FOXP2: variants seen among roughly 807,000 people sequenced by gnomAD.
FOXP2 encodes the protein forkhead box protein P2.
In FOXP2, 12 loss-of-function variants were observed where a neutral mutation model predicts 115.8. That is an observed-to-expected ratio of 0.10 (90% confidence interval 0.07 to 0.17). FOXP2 has a LOEUF of 0.17. Among genes scored for constraint, FOXP2 ranks in the 10% least tolerant of loss-of-function variants. The probability of loss-of-function intolerance (pLI) is 1.00; values close to 1 mark genes in which losing one functional copy is unlikely to be tolerated. For missense variants in FOXP2, 629 were observed against 843.5 expected (o/e 0.75, Z 3.15); for synonymous variants, 328 against 297.7 (o/e 1.10, Z -1.05).
At chr7:114,322,013 A>G (rs1797434938) in intron 2 of FOXP2, among the ~76,000 whole-genome samples, 1 of 125,930 alleles carries the variant, frequency 7.9e-6, no homozygotes, top group African/African-American at 2.9e-5. Context: ...TGAGAATTTC[A>G]GAGGATTCCT....
chr7:114,512,818 TCA>T (rs1798139563), intron 2 of FOXP2, among the ~76,000 whole-genome samples: 4 of 152,166 alleles, frequency 2.6e-5, no homozygotes. Context: ...GTGTGGTGAC[TCA>T]CACCTGTAAT....
At chr7:114,244,847 C>T (rs1375792811) in intron 1 of FOXP2, among the ~76,000 whole-genome samples, 4 of 151,836 alleles carry the variant, frequency 2.6e-5, no homozygotes, top group South Asian at 4.1e-4. Flanking sequence ...CTGCAAGCTC[C>T]GCCTCCCGGG....
At position 114,325,131 on chromosome 7, in the gene FOXP2, A is replaced by T. The variant is rs1011628693; in HGVS notation, c.-11+37022A>T. ...AATTTAATTCTTTAAAAAATGTATTATTGGTGCAAATAGTAGTCTATAAAG... is the reference window on the plus strand; with the variant it reads ...AATTTAATTCTTTAAAAAATGTATTTTTGGTGCAAATAGTAGTCTATAAAG... On this transcript the variant is annotated intron_variant, in intron 2 of 17. Coordinates refer to the FOXP2 transcript ENST00000634411. Among the ~76,000 whole-genome samples the T allele has an allele frequency of 2.0e-5, 3 of 151,870 alleles. 1 individual carries two copies. In the South Asian group the frequency reaches 6.2e-4, roughly 31 times the overall value.
chr7:114,566,904 T>C (rs1485954295), intron 3 of FOXP2, among the ~76,000 whole-genome samples: 2 of 151,946 alleles, frequency 1.3e-5, no homozygotes. Flanking sequence ...TATATTTTTG[T>C]ATGAAAATTA....
chr7:114,286,159 G>A (rs1796461756), intron 1 of FOXP2, among the ~76,000 whole-genome samples: 1 of 151,784 alleles, frequency 6.6e-6, no homozygotes, highest in South Asian at 2.1e-4. Flanking sequence ...GCCAACACCA[G>A]TATTTTCTTT....
intron 2 of FOXP2, among the ~76,000 whole-genome samples, chr7:114,336,779 T>C (rs1797863513): frequency 6.6e-6 from 1 of 151,558 alleles, no homozygotes; most frequent in African/African-American, 2.4e-5. Flanking sequence ...TCTGTTCATT[T>C]GTCTTAGAAG....
At chr7:114,306,993 C>T (rs1267378396) in intron 2 of FOXP2, among the ~76,000 whole-genome samples, 3 of 152,142 alleles carry the variant, frequency 2.0e-5, no homozygotes, top group Non-Finnish European at 4.4e-5. Context: ...TTAGGATCAG[C>T]TGATTAATAA....
At chr7:114,328,130 G>T (rs1797603906) in intron 2 of FOXP2, among the ~76,000 whole-genome samples, 2 of 151,086 alleles carry the variant, frequency 1.3e-5, no homozygotes, top group African/African-American at 4.9e-5. Flanking sequence ...ATGTTTCCCA[G>T]GCTAGACTCA....
intron 3 of FOXP2, among the ~76,000 whole-genome samples, chr7:114,558,962 T>C (rs1219363969): frequency 6.6e-6 from 1 of 152,174 alleles, no homozygotes; most frequent in Non-Finnish European, 1.5e-5. Flanking sequence ...GTTTTGTCTA[T>C]TAAATAATTA....
At chr7:114,552,437 G>T (rs1800255491) in intron 3 of FOXP2, among the ~76,000 whole-genome samples, 1 of 152,050 alleles carries the variant, frequency 6.6e-6, no homozygotes, top group Non-Finnish European at 1.5e-5. Flanking sequence ...TTATCTCAAT[G>T]CTTTATTATA....
chr7:114,525,764 C>A (rs1045057312), intron 2 of FOXP2, among the ~76,000 whole-genome samples: 1 of 152,086 alleles, frequency 6.6e-6, no homozygotes, highest in Non-Finnish European at 1.5e-5. Flanking sequence ...GCTGCTGCTC[C>A]TTAATTTAGT....
intron 7 of FOXP2, among the ~76,000 whole-genome samples, 179 bp downstream of exon 7, chr7:114,642,802 ATATATATATAT>A (rs1395162337): frequency 2.6e-3 from 32 of 12,362 alleles, no homozygotes; most frequent in African/African-American, 3.6e-3. Context: ...ATATATATAT[ATATATATATAT>A]TTTTTTTTTT....
chr7:114,307,776 G>A (rs1293894903), intron 2 of FOXP2, among the ~76,000 whole-genome samples: 5 of 152,150 alleles, frequency 3.3e-5, no homozygotes, highest in African/African-American at 1.2e-4. Flanking sequence ...ATTGGCATTG[G>A]GGGTGGGGAG....
At chr7:114,236,242 C>A (rs554397487) in intron 1 of FOXP2, among the ~76,000 whole-genome samples, 1 of 152,168 alleles carries the variant, frequency 6.6e-6, no homozygotes, top group South Asian at 2.1e-4. Flanking sequence ...TAGACTTGCA[C>A]AATGTTTGTC....
At chr7:114,166,698 T>C (rs1273546183) in intron 1 of FOXP2, among the ~76,000 whole-genome samples, 2 of 151,918 alleles carry the variant, frequency 1.3e-5, no homozygotes, top group Admixed American at 1.3e-4. Context: ...GAGTGAGACT[T>C]TGTCTCAAAA....
intron 2 of FOXP2, among the ~76,000 whole-genome samples, chr7:114,367,202 A>C (rs1011360470): frequency 1.3e-5 from 2 of 152,104 alleles, no homozygotes; most frequent in Non-Finnish European, 2.9e-5. Context: ...ATGAATGAAT[A>C]AAGTGGTCTC....
chr7:114,160,557 T>A (rs1306403888), upstream of FOXP2, among the ~76,000 whole-genome samples: 1 of 152,168 alleles, frequency 6.6e-6, no homozygotes, highest in Non-Finnish European at 1.5e-5. Context: ...TGAAGATGAT[T>A]AATACATAGT....
rs539806422 is a variant in FOXP2, at chr7:114,557,642, T to A, written c.258+22936T>A. Among the ~76,000 whole-genome samples the A allele has an allele frequency of 5.1e-4, 77 of 152,276 alleles. 1 individual carries two copies. In the South Asian group the frequency reaches 0.016, roughly 31 times the overall value. ...CTACAAATGAAAATGTACTACCATG[T>A]CAAATTATTTTCTTACTTTATGCTT... On this transcript the variant is annotated intron_variant, in intron 3 of 16. Transcript: ENST00000350908.
intron 16 of FOXP2, chr7:114,666,640 G>A (rs1807175695): frequency 6.6e-6 from 1 of 152,144 alleles, no homozygotes; most frequent in Admixed American, 6.6e-5. Flanking sequence ...ATGAAGTCAT[G>A]TTACTTGTTG....
Sources: gnomAD v4.1 joint callset for allele counts (sites outside exome capture counted in the v4.1 genomes callset) on GRCh38, gnomAD v4.1.1 for gene constraint, MANE v1.5 for transcripts, NCBI Gene and HGNC (gene_info 2026-07-23, HGNC 2026-07-21) for gene names.